The following GTF2A1 variants were observed in gnomAD, a reference collection of about 807,000 sequenced individuals.
GTF2A1 encodes the protein transcription initiation factor IIA subunit 1.
A neutral mutation model predicts 54.1 loss-of-function variants in GTF2A1; 12 were observed. The observed-to-expected ratio is 0.22, with a 90% CI of 0.14 to 0.36. The LOEUF (loss-of-function observed/expected upper bound fraction) is 0.36, where lower values mean the gene tolerates loss of function less well. GTF2A1 is among the 10% of genes least tolerant of loss of function. The probability of loss-of-function intolerance (pLI) is 1.00; values close to 1 mark genes in which losing one functional copy is unlikely to be tolerated. For missense variants in GTF2A1, 335 were observed against 442.2 expected, an observed-to-expected ratio of 0.76 and a Z score of 2.17; for synonymous variants, 145 against 152.0, an observed-to-expected ratio of 0.95 and a Z score of 0.34.
rs1019923344 is a variant in GTF2A1, at chr14:81,200,655, GA to G, written c.402+938del. Among the ~76,000 whole-genome samples, 8 of 149,834 alleles carry G rather than the reference GA, an allele frequency of 5.3e-5. No individual in the cohort carries two copies. In the South Asian group the frequency reaches 1.3e-3, roughly 24 times the overall value. ...AAAAAAAAAAAAACTTGAACGGAGGGAAAAAAAAATCTCATTTCTAGTACTA... is the reference window on the plus strand; with the variant it reads ...AAAAAAAAAAAAACTTGAACGGAGGGAAAAAAAATCTCATTTCTAGTACTA... On this transcript the variant is annotated intron_variant, in intron 4 of 8. Transcript: ENST00000553612.
chr14:81,181,628 T>C (rs1010899468), intron 8 of GTF2A1, among the ~76,000 whole-genome samples: 1 of 152,068 alleles, frequency 6.6e-6, no homozygotes, highest in Non-Finnish European at 1.5e-5. Flanking sequence ...CACTGCAACC[T>C]CCCCCTCCCA....
chr14:81,195,820 T>C (rs1892981044), intron 6 of GTF2A1, among the ~76,000 whole-genome samples: 1 of 151,864 alleles, frequency 6.6e-6, no homozygotes, highest in Non-Finnish European at 1.5e-5. Flanking sequence ...CGAGACTCAG[T>C]AACTGCTTAT....
chr14:81,220,700 G>GCCCCCCCC lies in GTF2A1; in HGVS notation c.-183_-182insGGGGGGGG. 1 of 304,942 alleles carries GCCCCCCCC rather than the reference G, an allele frequency of 3.3e-6. No individual in the cohort carries two copies. Among genetic ancestry groups the GCCCCCCCC allele is most frequent in the Non-Finnish European group, 6.0e-6 (1 of 167,614 alleles). 18.9% of individuals were successfully genotyped at this position (304,942 alleles called of 1,614,324 possible). ...GAGCGGAGAGAGGAGGAGGAGGGGGGCACTCCTCCCGCAGCTGAAAACCTC... is the reference window on the plus strand; with the variant it reads ...GAGCGGAGAGAGGAGGAGGAGGGGGGCCCCCCCCCACTCCTCCCGCAGCTGAAAACCTC... On this transcript the variant is annotated 5_prime_UTR_variant, in exon 1 of 9. Coordinates refer to ENST00000553612, the MANE Select transcript of GTF2A1 (RefSeq NM_015859.4).
intron 2 of GTF2A1, among the ~76,000 whole-genome samples, chr14:81,205,813 G>A (rs907383364): frequency 2.0e-5 from 3 of 152,158 alleles, no homozygotes; most frequent in Non-Finnish European, 4.4e-5. Flanking sequence ...TACTTTCTGA[G>A]ATCCCATGTT....
At position 81,220,498 on chromosome 14, in the gene GTF2A1, T is replaced by C. The variant is rs762684398; in HGVS notation, c.21A>G (p.Thr7=). The C allele has an allele frequency of 2.5e-6, 4 of 1,578,614 alleles. 1 individual carries two copies. In the South Asian group the frequency reaches 4.6e-5, roughly 18 times the overall value. ...CGAACCACGTCCTTACCACGGTGTT[T>C]GTATTTGCCGAGTTCGCCATTTCCA... MANSAN[T]NTVPKLYRSV... Residue 7 remains threonine (T), a synonymous_variant, in exon 1 of 9, where the codon ACA becomes ACG. Transcript: ENST00000553612.
rs187881102 is a variant in GTF2A1, at chr14:81,183,511, T to A, written c.1023+2020A>T. On this transcript the variant is annotated intron_variant, in intron 8 of 8. Transcript: ENST00000553612. ...CCACACAGTCAACACTGAAGTCATG[T>A]TGGGTAATAAATGGTAAATATTTTT... is the stretch of plus-strand genomic sequence containing the variant. Among the ~76,000 whole-genome samples, 1,030 of 152,344 alleles carry A rather than the reference T, an allele frequency of 6.8e-3. 9 individuals carry two copies. Among genetic ancestry groups the A allele is most frequent in the African/African-American group, 0.023 (966 of 41,582 alleles).
At chr14:81,202,843 T>A (rs775899508) in intron 3 of GTF2A1, 2 of 494,734 alleles carry the variant, frequency 4.0e-6, no homozygotes, top group South Asian at 1.5e-5. Flanking sequence ...CAAAAAAGAA[T>A]AAAAGGATAA....
At position 81,211,875 on chromosome 14, in the gene GTF2A1, T is replaced by TATATATATA. The variant is rs1419902730; in HGVS notation, c.132+4537_132+4538insTATATATAT. On this transcript the variant is annotated intron_variant, in intron 2 of 8. Coordinates refer to ENST00000553612, the MANE Select transcript of GTF2A1 (RefSeq NM_015859.4). ...ACATAATTAGAGTGTATCAAGTACT[T>TATATATATA]TATATATATATATATATATATATAT... 5.0e-3 allele frequency among the ~76,000 whole-genome samples: 340 copies of TATATATATA among 68,452 alleles called. 13 individuals are homozygous for TATATATATA. Among genetic ancestry groups the TATATATATA allele is most frequent in the Middle Eastern group, 0.019 (2 of 108 alleles). 44.9% of individuals were successfully genotyped at this position (68,452 alleles called of 152,430 possible). A position where few individuals can be genotyped will look rare whatever the true frequency, so the allele number is the denominator to read the frequency against.
intron 8 of GTF2A1, 71 bp from the exon 9 acceptor site, chr14:81,180,401 C>T (rs575661943): frequency 1.3e-6 from 1 of 744,426 alleles, no homozygotes; most frequent in South Asian, 1.5e-5. Context: ...AACAAAAAAC[C>T]CATACACACA....
rs989174497 is a variant in GTF2A1, at chr14:81,178,617, T to A, written c.*1606A>T. On this transcript the variant is annotated 3_prime_UTR_variant, in exon 9 of 9. Transcript: ENST00000553612. ...AGAAAAAAAAAATTTTTGCCTTTTT[T>A]TAAAGTTAAAAGATTTGTGTTAAAA... The A allele has an allele frequency of 2.0e-5, 3 of 152,142 alleles. No individual in the cohort carries two copies. The highest frequency in any genetic ancestry group is 2.9e-5 in the Non-Finnish European group (2 of 68,008). The allele number at this position is 152,142 out of a possible 1,614,324, so 9.4% of individuals were successfully genotyped here.
chr14:81,177,698 T>C lies in GTF2A1; in HGVS notation c.*2525A>G, dbSNP rs1462024206. ...TCAAATTCTGAAAGTGGAAATCCCTTGCCTTTTCAAAGGAATGACATTTTA... is the reference window on the plus strand; with the variant it reads ...TCAAATTCTGAAAGTGGAAATCCCTCGCCTTTTCAAAGGAATGACATTTTA... On this transcript the variant is annotated 3_prime_UTR_variant, in exon 9 of 9. Transcript: ENST00000553612. 2 of 152,146 alleles carry C rather than the reference T, an allele frequency of 1.3e-5. No homozygotes were observed. Among genetic ancestry groups the C allele is most frequent in the Non-Finnish European group, 2.9e-5 (2 of 67,968 alleles). The allele number at this position is 152,146 out of a possible 1,614,324, so 9.4% of individuals were successfully genotyped here. A position where few individuals can be genotyped will look rare whatever the true frequency, so the allele number is the denominator to read the frequency against.
At position 81,192,678 on chromosome 14, in the gene GTF2A1, C is replaced by A; in HGVS notation, c.774G>T (p.Pro258=). The change falls in exon 7 of 9, where the codon CCG becomes CCT. Residue 258 remains proline (P), a synonymous_variant. Transcript: ENST00000553612. The part of the protein sequence containing the change: ...AQITATGQQQ[P]QAQPAQTQAP... Reference sequence around the variant, plus strand: ...CTTGTGTTTGAGCAGGCTGGGCCTGCGGTTGCTGCTGGCCAGTTGCAGTTA... The same window carrying A: ...CTTGTGTTTGAGCAGGCTGGGCCTGAGGTTGCTGCTGGCCAGTTGCAGTTA... 2 of 1,614,140 alleles carry A rather than the reference C, an allele frequency of 1.2e-6. No individual in the cohort carries two copies. The highest frequency in any genetic ancestry group is 1.7e-6 in the Non-Finnish European group (2 of 1,179,980).
rs751316648 is a variant in GTF2A1, at chr14:81,185,527, T to C, written c.1023+4A>G. On this transcript the variant is annotated splice_donor_region_variant and intron_variant, in intron 8 of 8. Coordinates refer to ENST00000553612, the MANE Select transcript of GTF2A1 (RefSeq NM_015859.4). ...CGTCAGTAATCTGAAGATGACATCC[T>C]TACCTTATCATATTGGCATACAACA... 1 of 1,452,038 alleles carries C rather than the reference T, an allele frequency of 6.9e-7. No individual in the cohort carries two copies. The highest frequency in any genetic ancestry group is 9.7e-7 in the Non-Finnish European group (1 of 1,032,522). The allele number at this position is 1,452,038 out of a possible 1,614,324, so 89.9% of individuals were successfully genotyped here.
chr14:81,198,338 G>C (rs544541135), intron 4 of GTF2A1, among the ~76,000 whole-genome samples: 10 of 152,272 alleles, frequency 6.6e-5, no homozygotes, highest in Admixed American at 3.9e-4. Context: ...CCAGCTACTT[G>C]GGAGGGTGAG....
intron 1 of GTF2A1, 68 bp downstream of exon 1, chr14:81,220,421 C>G: frequency 8.6e-7 from 1 of 1,168,894 alleles, no homozygotes. Flanking sequence ...CCGTCCCCGC[C>G]CCCGCCCGGT....
At chr14:81,220,190 G>A (rs1404334827) in intron 1 of GTF2A1, among the ~76,000 whole-genome samples, 12 of 147,638 alleles carry the variant, frequency 8.1e-5, no homozygotes, top group Non-Finnish European at 1.2e-4. Context: ...CCGGGTTCTG[G>A]GGCCGGGGCT....
rs1049950510 is a variant in GTF2A1, at chr14:81,176,984, T to C, written c.*3239A>G. ...CCCTCTGATAAGAATGGTGACATTA[T>C]TGCTATGAGAATCAAAAATAGTATA... On this transcript the variant is annotated 3_prime_UTR_variant, in exon 9 of 9. Transcript: ENST00000553612. The C allele has an allele frequency of 2.6e-5, 4 of 152,110 alleles. No individual in the cohort carries two copies. Among genetic ancestry groups the C allele is most frequent in the African/African-American group, 9.7e-5 (4 of 41,448 alleles). 9.4% of individuals were successfully genotyped at this position (152,110 alleles called of 1,614,324 possible).
At chr14:81,213,814 A>G (rs977075067) in intron 2 of GTF2A1, among the ~76,000 whole-genome samples, 1 of 150,258 alleles carries the variant, frequency 6.7e-6, no homozygotes, top group African/African-American at 2.4e-5. Context: ...TATTTTTCCT[A>G]CCTCACACAG....
At chr14:81,202,485 C>T (rs930485893) in intron 3 of GTF2A1, among the ~76,000 whole-genome samples, 1 of 152,050 alleles carries the variant, frequency 6.6e-6, no homozygotes, top group African/African-American at 2.4e-5. Flanking sequence ...CCCAGCAACT[C>T]AGGAGGCTAA....
Sources: gnomAD v4.1 joint callset for allele counts (sites outside exome capture counted in the v4.1 genomes callset) on GRCh38, gnomAD v4.1.1 for gene constraint, MANE v1.5 for transcripts, NCBI Gene and HGNC (gene_info 2026-07-23, HGNC 2026-07-21) for gene names.